The following CSTF3 variants were observed in gnomAD, a reference collection of about 807,000 sequenced individuals.
CSTF3 encodes cleavage stimulation factor subunit 3.
Under a neutral mutation model 105.8 loss-of-function variants are expected in CSTF3, and 29 were observed. That is an observed-to-expected ratio of 0.27 (90% CI 0.20 to 0.37). The LOEUF (loss-of-function observed/expected upper bound fraction) is 0.37, where lower values mean the gene tolerates loss of function less well. Among genes scored for constraint, CSTF3 ranks in the 10% least tolerant of loss-of-function variants. CSTF3 has a pLI of 1.00. For missense variants in CSTF3, 357 were observed against 879.3 expected (o/e 0.41, Z 7.51); for synonymous variants, 252 against 281.9 (o/e 0.89, Z 1.06).
At chr11:33,100,549 G>A (rs1347459998) in intron 10 of CSTF3, among the ~76,000 whole-genome samples, 1 of 152,080 alleles carries the variant, frequency 6.6e-6, no homozygotes, top group African/African-American at 2.4e-5. Flanking sequence ...TGGAAGGCAC[G>A]GTGAATATAC....
rs1855158250 is a variant in CSTF3, at chr11:33,090,476, T to TTAGAA, written c.1641+55_1641+56insTTCTA. ...TTTAGAGTGCAGGTTATCAATGAAC[T>TTAGAA]CTTCTAAAACACTGGAAAAGTGAGG... On this transcript the variant is annotated intron_variant, in intron 17 of 20. Coordinates refer to ENST00000323959, the MANE Select transcript of CSTF3 (RefSeq NM_001326.3). 3.8e-6 allele frequency: 4 copies of TTAGAA among 1,066,142 alleles called. No individual in the cohort carries two copies. The African/African-American group carries it at 4.9e-5, about 13-fold the overall frequency. 66.0% of individuals were successfully genotyped at this position (1,066,142 alleles called of 1,614,324 possible).
At position 33,090,609 on chromosome 11, in the gene CSTF3, C is replaced by T; in HGVS notation, c.1564G>A (p.Ala522Thr). Residue 522 changes from alanine to threonine, a missense_variant, in exon 17 of 21, where the codon GCT becomes ACT. Physicochemically the swap from Ala to Thr is moderately conservative, Grantham distance 58. Coordinates refer to ENST00000323959, the MANE Select transcript of CSTF3 (RefSeq NM_001326.3). ...AACTTGTATCTATCTACTAGTAAAG[C>T]CGTTTCTTTCCCTTCATACTCTTCT... ...FKEEYEGKET[A>T]LLVDRYKFMD... The T allele has an allele frequency of 1.2e-6, 2 of 1,612,448 alleles. No homozygotes were observed. The highest frequency in any genetic ancestry group is 1.7e-6 in the Non-Finnish European group (2 of 1,179,420).
At chr11:33,136,433 A>G (rs932455208) in intron 3 of CSTF3, among the ~76,000 whole-genome samples, 2 of 152,092 alleles carry the variant, frequency 1.3e-5, no homozygotes, top group African/African-American at 4.8e-5. Flanking sequence ...GCAACTTTTT[A>G]CAGATGTCAC....
At chr11:33,133,865 C>T (rs1380382357) in intron 3 of CSTF3, among the ~76,000 whole-genome samples, 2 of 152,072 alleles carry the variant, frequency 1.3e-5, no homozygotes, top group Non-Finnish European at 2.9e-5. Flanking sequence ...AGAGGAATGA[C>T]AATTATATAA....
chr11:33,157,315 A>G (rs1453256189), intron 1 of CSTF3, among the ~76,000 whole-genome samples: 1 of 152,212 alleles, frequency 6.6e-6, no homozygotes, highest in African/African-American at 2.4e-5. Flanking sequence ...AGACCGTGCC[A>G]CTGCACTCCA....
At chr11:33,159,378 T>A (rs537650830) in intron 1 of CSTF3, among the ~76,000 whole-genome samples, 9 of 152,028 alleles carry the variant, frequency 5.9e-5, no homozygotes, top group Admixed American at 2.0e-4. Flanking sequence ...GGCGGATCAC[T>A]TGAGGTCAGG....
intron 10 of CSTF3, among the ~76,000 whole-genome samples, chr11:33,101,499 T>C (rs970179028): frequency 1.3e-5 from 2 of 152,236 alleles, no homozygotes; most frequent in Non-Finnish European, 2.9e-5. Context: ...AAGAATAAGG[T>C]ATTTAATCTG....
chr11:33,145,815 AAAAC>A (rs1283983742), intron 1 of CSTF3, among the ~76,000 whole-genome samples: 2 of 152,184 alleles, frequency 1.3e-5, no homozygotes, highest in East Asian at 3.9e-4. Flanking sequence ...CTCCGTCTCA[AAAAC>A]AAACAAAAAA....
intron 1 of CSTF3, among the ~76,000 whole-genome samples, chr11:33,159,641 C>T (rs1849912230): frequency 7.2e-6 from 1 of 139,436 alleles, no homozygotes; most frequent in Admixed American, 7.2e-5. Flanking sequence ...GGCATGGTGG[C>T]GCGCGCCTGT....
chr11:33,128,227 C>A (rs1855564685), intron 3 of CSTF3, among the ~76,000 whole-genome samples: 1 of 152,038 alleles, frequency 6.6e-6, no homozygotes, highest in Non-Finnish European at 1.5e-5. Context: ...TTCCCCCTCT[C>A]AAAAAGTGAA....
intron 1 of CSTF3, among the ~76,000 whole-genome samples, chr11:33,142,615 C>T (rs561899239): frequency 2.6e-5 from 4 of 152,082 alleles, no homozygotes; most frequent in Non-Finnish European, 4.4e-5. Flanking sequence ...GACCCCTCTA[C>T]GCTCTTAAAA....
intron 3 of CSTF3, among the ~76,000 whole-genome samples, chr11:33,110,844 A>G (rs1442491991): frequency 1.3e-5 from 2 of 152,192 alleles, no homozygotes; most frequent in African/African-American, 4.8e-5. Context: ...GAATTGTTAC[A>G]GCATTTTTGA....
chr11:33,127,120 C>T (rs1855551277), intron 3 of CSTF3, among the ~76,000 whole-genome samples: 1 of 152,162 alleles, frequency 6.6e-6, no homozygotes, highest in African/African-American at 2.4e-5. Context: ...ATTTAAGGAA[C>T]ATCAAGGAGG....
At chr11:33,112,903 C>A (rs1855393934) in intron 3 of CSTF3, among the ~76,000 whole-genome samples, 1 of 152,028 alleles carries the variant, frequency 6.6e-6, no homozygotes, top group Non-Finnish European at 1.5e-5. Flanking sequence ...CATTATAGGT[C>A]TCCATTTAAA....
chr11:33,140,061 C>A (rs1194775407), intron 3 of CSTF3, among the ~76,000 whole-genome samples: 1 of 151,960 alleles, frequency 6.6e-6, no homozygotes, highest in Non-Finnish European at 1.5e-5. Flanking sequence ...AAGGAAATTT[C>A]AAAAACTCAG....
At chr11:33,148,297 C>A (rs988943653) in intron 1 of CSTF3, among the ~76,000 whole-genome samples, 2 of 152,190 alleles carry the variant, frequency 1.3e-5, no homozygotes, top group Non-Finnish European at 2.9e-5. Context: ...AAAAGATGTC[C>A]AAGCCTCGCC....
chr11:33,127,454 T>C (rs751213737), intron 3 of CSTF3, among the ~76,000 whole-genome samples: 11 of 152,254 alleles, frequency 7.2e-5, no homozygotes, highest in African/African-American at 1.4e-4. Flanking sequence ...TTTTATTTCA[T>C]GTAATACCAC....
intron 15 of CSTF3, among the ~76,000 whole-genome samples, chr11:33,093,874 GT>G (rs1306197984): frequency 6.6e-6 from 1 of 151,942 alleles, no homozygotes; most frequent in Non-Finnish European, 1.5e-5. Context: ...TGCCCGGCTA[GT>G]TTTTATATTT....
intron 3 of CSTF3, among the ~76,000 whole-genome samples, chr11:33,113,441 A>G (rs2133782244): frequency 6.6e-6 from 1 of 152,098 alleles, no homozygotes; most frequent in South Asian, 2.1e-4. Context: ...GCTTGAGCCC[A>G]GAAGTTTAAG....
Sources: allele counts gnomAD v4.1 joint callset (sites outside exome capture counted in the v4.1 genomes callset), GRCh38; gene constraint gnomAD v4.1.1; transcripts MANE v1.5; gene names NCBI Gene and HGNC (gene_info 2026-07-23, HGNC 2026-07-21).